The following USP46 variants were observed in gnomAD, a reference collection of about 807,000 sequenced individuals.
USP46 encodes the protein ubiquitin carboxyl-terminal hydrolase 46.
USP46 carries 12 observed loss-of-function variants against 44.4 expected under a neutral mutation model. That is an observed-to-expected ratio of 0.27 (90% CI 0.17 to 0.44). The LOEUF (loss-of-function observed/expected upper bound fraction) is 0.44, where lower values mean the gene tolerates loss of function less well. USP46 is among the 20% of genes least tolerant of loss of function. The probability of loss-of-function intolerance (pLI) is 1.00; values close to 1 mark genes in which losing one functional copy is unlikely to be tolerated. For missense variants in USP46, 248 were observed against 444.8 expected (o/e 0.56, Z 3.98); for synonymous variants, 155 against 161.5 (o/e 0.96, Z 0.31).
intron 1 of USP46, among the ~76,000 whole-genome samples, chr4:52,650,354 C>T (rs539823895): frequency 1.3e-5 from 2 of 152,274 alleles, no homozygotes; most frequent in Admixed American, 6.5e-5. Flanking sequence ...AAAAGCTACA[C>T]GATTTTATCC....
chr4:52,641,103 G>T (rs1005907562), intron 1 of USP46, among the ~76,000 whole-genome samples: 1 of 152,008 alleles, frequency 6.6e-6, no homozygotes, highest in Non-Finnish European at 1.5e-5. Context: ...TGTAAAGTAT[G>T]TTACAAACCC....
At position 52,659,017 on chromosome 4, in the gene USP46, C is replaced by T. The variant is rs1251933828; in HGVS notation, c.36+98G>A. 7.0e-7 allele frequency: 1 copy of T among 1,423,310 alleles called. No homozygotes were observed. Among genetic ancestry groups the T allele is most frequent in the Non-Finnish European group, 9.3e-7 (1 of 1,074,610 alleles). The allele number at this position is 1,423,310 out of a possible 1,614,324, so 88.2% of individuals were successfully genotyped here. A position where few individuals can be genotyped will look rare whatever the true frequency, so the allele number is the denominator to read the frequency against. ...TTCTGGCGGCGCGGACCCCGCCGCCCCCGCCGCCCCAGCCACCGGGCGTGT... is the reference window on the plus strand; with the variant it reads ...TTCTGGCGGCGCGGACCCCGCCGCCTCCGCCGCCCCAGCCACCGGGCGTGT... On this transcript the variant is annotated intron_variant, in intron 1 of 8. Transcript: ENST00000441222. The surrounding 1 kb of genome is among the most constrained non-coding windows in gnomAD (Gnocchi z 4.2).
rs1450149336 is a variant in USP46, at chr4:52,594,799, TA to T, written c.*2840del. 1 of 152,156 alleles carries T rather than the reference TA, an allele frequency of 6.6e-6. No individual in the cohort carries two copies. The highest frequency in any genetic ancestry group is 2.4e-5 in the African/African-American group (1 of 41,438). 9.4% of individuals were successfully genotyped at this position (152,156 alleles called of 1,614,324 possible). ...CTTAAACCCAAAATACACCAGGCCA[TA>T]AAACCAAATATGATTGACTTCCTAT... On this transcript the variant is annotated 3_prime_UTR_variant, in exon 9 of 9. Transcript: ENST00000441222.
intron 1 of USP46, among the ~76,000 whole-genome samples, chr4:52,649,184 G>A (rs1718665121): frequency 6.6e-6 from 1 of 152,230 alleles, no homozygotes; most frequent in South Asian, 2.1e-4. Flanking sequence ...CAAAATGGAA[G>A]TAGAATTTCA....
At chr4:52,606,492 C>A (rs1716694110) in intron 5 of USP46, among the ~76,000 whole-genome samples, 1 of 152,168 alleles carries the variant, frequency 6.6e-6, no homozygotes, top group African/African-American at 2.4e-5. Context: ...ACAGCAGGTG[C>A]AGGGGAACTC....
intron 1 of USP46, among the ~76,000 whole-genome samples, chr4:52,643,968 C>T (rs1447640479): frequency 6.6e-6 from 1 of 152,186 alleles, no homozygotes; most frequent in East Asian, 1.9e-4. Flanking sequence ...CTTGGGCAGC[C>T]AGCCAGGAAC....
At chr4:52,620,945 A>G (rs1371886874) in intron 4 of USP46, among the ~76,000 whole-genome samples, 1 of 152,262 alleles carries the variant, frequency 6.6e-6, no homozygotes, top group Non-Finnish European at 1.5e-5. Flanking sequence ...AATAAAAACG[A>G]ATAAACTAAA....
At chr4:52,617,113 T>C (rs1717184531) in intron 4 of USP46, among the ~76,000 whole-genome samples, 1 of 152,152 alleles carries the variant, frequency 6.6e-6, no homozygotes, top group Non-Finnish European at 1.5e-5. Flanking sequence ...ACTAAATAAG[T>C]AATAACTGAA....
At chr4:52,608,060 C>T (rs1716764543) in intron 5 of USP46, among the ~76,000 whole-genome samples, 1 of 152,108 alleles carries the variant, frequency 6.6e-6, no homozygotes, top group Admixed American at 6.5e-5. Flanking sequence ...TACTTTTACC[C>T]TCGTTCTCAG....
At chr4:52,632,237 A>G (rs1717857293) in intron 1 of USP46, among the ~76,000 whole-genome samples, 1 of 152,220 alleles carries the variant, frequency 6.6e-6, no homozygotes, top group Non-Finnish European at 1.5e-5. Context: ...TGCTGTGCAG[A>G]GCAATTCTAC....
At chr4:52,598,522 T>C (rs1212812840) in intron 8 of USP46, 106 bp downstream of exon 8, 1 of 1,205,618 alleles carries the variant, frequency 8.3e-7, no homozygotes, top group African/African-American at 1.5e-5. Context: ...TGTTTTCAAA[T>C]TACATTATGG....
chr4:52,600,986 T>C (rs1035548375), intron 7 of USP46, among the ~76,000 whole-genome samples: 1 of 152,240 alleles, frequency 6.6e-6, no homozygotes, highest in Admixed American at 6.5e-5. Context: ...TGTGAAGTTA[T>C]ACAGTTTCTG....
chr4:52,617,888 T>A (rs1717223264), intron 4 of USP46, among the ~76,000 whole-genome samples: 2 of 152,338 alleles, frequency 1.3e-5, no homozygotes, highest in East Asian at 1.9e-4. Context: ...TCTTAGCAAG[T>A]ACAAGCTATA....
At position 52,594,506 on chromosome 4, in the gene USP46, T is replaced by C. The variant is rs1275576056; in HGVS notation, c.*3134A>G. The C allele has an allele frequency of 6.6e-6, 1 of 152,216 alleles. No individual in the cohort carries two copies. The highest frequency in any genetic ancestry group is 6.5e-5 in the Admixed American group (1 of 15,278). The allele number at this position is 152,216 out of a possible 1,614,324, so 9.4% of individuals were successfully genotyped here. A position where few individuals can be genotyped will look rare whatever the true frequency, so the allele number is the denominator to read the frequency against. On this transcript the variant is annotated 3_prime_UTR_variant, in exon 9 of 9. Coordinates refer to ENST00000441222, the MANE Select transcript of USP46 (RefSeq NM_022832.4). ...TGCCACTTACATGAGTTCATTACAA[T>C]AGTGCTGATAAATGCCTTGACCATA...
At chr4:52,612,574 TAAG>T (rs1716975111) in intron 4 of USP46, among the ~76,000 whole-genome samples, 1 of 152,240 alleles carries the variant, frequency 6.6e-6, no homozygotes, top group Non-Finnish European at 1.5e-5. Context: ...TGCATCACTG[TAAG>T]AAGGATAACC....
intron 1 of USP46, among the ~76,000 whole-genome samples, chr4:52,636,802 T>G (rs1232413202): frequency 1.3e-5 from 2 of 150,568 alleles, no homozygotes; most frequent in Non-Finnish European, 3.0e-5. Flanking sequence ...TGTTCCATAA[T>G]AAAATCTTTT....
chr4:52,607,346 C>T (rs1053359559), intron 5 of USP46, among the ~76,000 whole-genome samples: 4 of 152,266 alleles, frequency 2.6e-5, no homozygotes, highest in Admixed American at 6.5e-5. Context: ...AGTTAATGTT[C>T]TATACCTGTT....
intron 1 of USP46, among the ~76,000 whole-genome samples, chr4:52,640,768 G>A (rs1718307677): frequency 6.7e-6 from 1 of 149,894 alleles, no homozygotes; most frequent in Admixed American, 6.6e-5. Flanking sequence ...ATCACGCCAC[G>A]GCACTCCAGC....
chr4:52,652,926 C>G (rs1489975789), intron 1 of USP46, among the ~76,000 whole-genome samples: 1 of 152,040 alleles, frequency 6.6e-6, no homozygotes. Flanking sequence ...AAGGCAAAGT[C>G]TGAGCTAATT....
Sources: gnomAD v4.1 joint callset for allele counts (sites outside exome capture counted in the v4.1 genomes callset) on GRCh38, gnomAD v4.1.1 for gene constraint, Gnocchi (gnomAD v3.1) non-coding constraint, MANE v1.5 for transcripts, NCBI Gene and HGNC (gene_info 2026-07-23, HGNC 2026-07-21) for gene names.